Variants in SLC9A2 observed in about 807,000 individuals in gnomAD.
The protein encoded by SLC9A2 is sodium/hydrogen exchanger 2.
A neutral mutation model predicts 71.7 loss-of-function variants in SLC9A2; 42 were observed. That is an observed-to-expected ratio of 0.59 (90% CI 0.46 to 0.76). The LOEUF (loss-of-function observed/expected upper bound fraction) is 0.76, where lower values mean the gene tolerates loss of function less well. SLC9A2 is among the 30% of genes least tolerant of loss of function. The pLI is 0.00. For missense variants in SLC9A2, 829 were observed against 1,017.4 expected, an observed-to-expected ratio of 0.81 and a Z score of 2.52; for synonymous variants, 396 against 392.5, an observed-to-expected ratio of 1.01 and a Z score of -0.10.
At chr2:102,678,676 G>A (rs1677390125) in intron 3 of SLC9A2, among the ~76,000 whole-genome samples, 1 of 152,084 alleles carries the variant, frequency 6.6e-6, no homozygotes, top group Non-Finnish European at 1.5e-5. Context: ...TTGTACCCAA[G>A]GACTCTCCTG....
At chr2:102,644,955 A>G (rs1676688820) in intron 1 of SLC9A2, among the ~76,000 whole-genome samples, 1 of 152,200 alleles carries the variant, frequency 6.6e-6, no homozygotes, top group Non-Finnish European at 1.5e-5. Context: ...CTGCAAAGGG[A>G]CAGACTGCCT....
Position 102,659,032 on chromosome 2 carries a change from G to A in SLC9A2, c.753+1005G>A, listed in dbSNP as rs115056655. ...CTCCCATTATTCAGATAAGAAAAGC[G>A]AGGCAGAAAAAGACTGTGTTTAAAG... On this transcript the variant is annotated intron_variant, in intron 2 of 11. Coordinates refer to ENST00000233969, the MANE Select transcript of SLC9A2 (RefSeq NM_003048.6). 1.1e-3 allele frequency among the ~76,000 whole-genome samples: 172 copies of A among 152,234 alleles called. 1 individual carries two copies. The highest frequency in any genetic ancestry group is 6.8e-3 in the Middle Eastern group (2 of 294).
At chr2:102,656,377 C>T (rs1465623292) in intron 1 of SLC9A2, among the ~76,000 whole-genome samples, 2 of 152,220 alleles carry the variant, frequency 1.3e-5, no homozygotes, top group Non-Finnish European at 2.9e-5. Flanking sequence ...TAATGCCTAT[C>T]TTTTAAGCCC....
At chr2:102,655,604 C>G (rs181492425) in intron 1 of SLC9A2, among the ~76,000 whole-genome samples, 1 of 152,210 alleles carries the variant, frequency 6.6e-6, no homozygotes, top group Admixed American at 6.5e-5. Flanking sequence ...AGGAATTTTT[C>G]AGCTCCATGA....
chr2:102,704,369 T>C (rs975082228), intron 9 of SLC9A2, among the ~76,000 whole-genome samples, 175 bp from the exon 10 acceptor site: 3 of 152,136 alleles, frequency 2.0e-5, no homozygotes, highest in Non-Finnish European at 4.4e-5. Context: ...TCTTTGAAGA[T>C]CTGAAGACTG....
At chr2:102,694,960 G>A in intron 6 of SLC9A2, 83 bp from the exon 7 acceptor site, 1 of 1,142,710 alleles carries the variant, frequency 8.8e-7, no homozygotes, top group Non-Finnish European at 1.3e-6. Flanking sequence ...GAAGGTCTTT[G>A]GAGTTTAGAA....
At chr2:102,681,295 C>G (rs939417863) in intron 3 of SLC9A2, among the ~76,000 whole-genome samples, 1 of 149,606 alleles carries the variant, frequency 6.7e-6, no homozygotes. Flanking sequence ...TGGACTTAAA[C>G]GCCTGGGCCC....
At chr2:102,695,240 A>G in intron 7 of SLC9A2, 127 bp downstream of exon 7, 1 of 658,706 alleles carries the variant, frequency 1.5e-6, no homozygotes, top group Non-Finnish European at 2.7e-6. Context: ...GTCCTCTAAG[A>G]TAAAGTTCAG....
intron 1 of SLC9A2, among the ~76,000 whole-genome samples, chr2:102,643,154 G>T (rs762102668): frequency 6.6e-6 from 1 of 152,264 alleles, no homozygotes; most frequent in African/African-American, 2.4e-5. Flanking sequence ...TTGCCTTGTG[G>T]CTGGACTATG....
chr2:102,672,375 C>T (rs1677269797), intron 3 of SLC9A2, among the ~76,000 whole-genome samples: 1 of 152,108 alleles, frequency 6.6e-6, no homozygotes, highest in South Asian at 2.1e-4. Flanking sequence ...TTCTGTAGTG[C>T]TCACCACTAG....
intron 1 of SLC9A2, among the ~76,000 whole-genome samples, chr2:102,628,389 A>T (rs1405705430): frequency 6.6e-6 from 1 of 152,160 alleles, no homozygotes; most frequent in African/African-American, 2.4e-5. Context: ...GGATGCTCAG[A>T]GTCCACAAAA....
intron 1 of SLC9A2, among the ~76,000 whole-genome samples, chr2:102,650,301 C>T (rs1266748100): frequency 6.6e-6 from 1 of 151,844 alleles, no homozygotes; most frequent in Non-Finnish European, 1.5e-5. Context: ...GGGCCTTGAA[C>T]ATTATACACT....
chr2:102,679,162 A>C (rs1469621555), intron 3 of SLC9A2, among the ~76,000 whole-genome samples: 1 of 152,080 alleles, frequency 6.6e-6, no homozygotes, highest in East Asian at 1.9e-4. Flanking sequence ...ACACTACCAG[A>C]TACTAGGGTC....
chr2:102,621,438 C>A (rs889505517), intron 1 of SLC9A2, among the ~76,000 whole-genome samples: 3 of 151,234 alleles, frequency 2.0e-5, no homozygotes, highest in Non-Finnish European at 4.4e-5. Flanking sequence ...TATATTTTCT[C>A]ATCTTCATTA....
intron 1 of SLC9A2, among the ~76,000 whole-genome samples, chr2:102,629,703 C>A (rs1047879922): frequency 6.6e-6 from 1 of 151,876 alleles, no homozygotes; most frequent in African/African-American, 2.4e-5. Flanking sequence ...ATTATATATT[C>A]TTTTGCTATT....
chr2:102,633,102 C>G (rs1676406390), intron 1 of SLC9A2, among the ~76,000 whole-genome samples: 1 of 152,130 alleles, frequency 6.6e-6, no homozygotes, highest in Admixed American at 6.6e-5. Flanking sequence ...TAATAGCTAA[C>G]AAGGACAGAA....
rs1329264805 is a variant in SLC9A2 at position 102,700,731 on chromosome 2, T to C, written c.1587-339T>C. Among the ~76,000 whole-genome samples, 3 of 152,218 alleles carry C rather than the reference T, an allele frequency of 2.0e-5. 1 individual carries two copies. Among genetic ancestry groups the C allele is most frequent in the African/African-American group, 7.2e-5 (3 of 41,462 alleles). On this transcript the variant is annotated intron_variant, in intron 7 of 11. Coordinates refer to ENST00000233969, the MANE Select transcript of SLC9A2 (RefSeq NM_003048.6). ...ATGGTAAAGACAGAAACATGTATTTTAATCTGTAATTAATGAATACTAGAT... is the reference window on the plus strand; with the variant it reads ...ATGGTAAAGACAGAAACATGTATTTCAATCTGTAATTAATGAATACTAGAT...
chr2:102,704,723 G>A (rs1677941125), intron 10 of SLC9A2, 48 bp downstream of exon 10: 3 of 1,583,392 alleles, frequency 1.9e-6, no homozygotes, highest in Non-Finnish European at 8.6e-7. Flanking sequence ...GGAGCCGACA[G>A]CTATTCCATT....
At chr2:102,623,269 G>T (rs1676178561) in intron 1 of SLC9A2, among the ~76,000 whole-genome samples, 1 of 152,118 alleles carries the variant, frequency 6.6e-6, no homozygotes, top group Admixed American at 6.5e-5. Context: ...GCAGAGAGTG[G>T]TCTGAACAGC....
Sources: gnomAD v4.1 joint callset for allele counts (sites outside exome capture counted in the v4.1 genomes callset) on GRCh38, gnomAD v4.1.1 for gene constraint, MANE v1.5 for transcripts, NCBI Gene and HGNC (gene_info 2026-07-23, HGNC 2026-07-21) for gene names.